The following ZNF445 variants were observed in gnomAD, a reference collection of about 807,000 sequenced individuals.
ZNF445 encodes the protein zinc finger protein 168.
A neutral mutation model predicts 93.9 loss-of-function variants in ZNF445; 19 were observed. The observed-to-expected ratio is 0.20, with a 90% confidence interval of 0.14 to 0.30. ZNF445 has a LOEUF of 0.30. ZNF445 is among the 10% of genes least tolerant of loss of function. The pLI is 1.00. For missense variants in ZNF445, 1,058 were observed against 1,259.4 expected (o/e 0.84, Z 2.42); for synonymous variants, 449 against 446.3 (o/e 1.01, Z -0.08).
chr3:44,438,598 A>G lies in ZNF445; in HGVS notation c.*7977T>C, dbSNP rs931358852. The stretch of plus-strand genomic sequence containing the variant: ...GGTGTGAGCCACCGTGCCTGGCCAA[A>G]AAAATAATTTTTTTAAAAGGACTCC... On this transcript the variant is annotated 3_prime_UTR_variant, in exon 8 of 8. Coordinates refer to ENST00000396077, the MANE Select transcript of ZNF445 (RefSeq NM_181489.6). 2.6e-5 allele frequency: 4 copies of G among 152,044 alleles called. No individual in the cohort carries two copies. Among genetic ancestry groups the G allele is most frequent in the African/African-American group, 9.7e-5 (4 of 41,400 alleles). 9.4% of individuals were successfully genotyped at this position (152,044 alleles called of 1,614,324 possible).
At position 44,458,360 on chromosome 3, in the gene ZNF445, T is replaced by A. The variant is rs1374117274; in HGVS notation, c.-264A>T. 1 of 150,944 alleles carries A rather than the reference T, an allele frequency of 6.6e-6. No homozygotes were observed. Among genetic ancestry groups the A allele is most frequent in the Non-Finnish European group, 1.5e-5 (1 of 67,916 alleles). 9.4% of individuals were successfully genotyped at this position (150,944 alleles called of 1,614,324 possible). ...CTCCAGCCTTGCGAAAGAGCGAGAC[T>A]CCACCTCAAAAAAAAGAACATAGGA... On this transcript the variant is annotated 5_prime_UTR_variant, in exon 2 of 8. Coordinates refer to ENST00000396077, the MANE Select transcript of ZNF445 (RefSeq NM_181489.6).
Position 44,446,245 on chromosome 3 carries a change from T to C in ZNF445, c.*330A>G, listed in dbSNP as rs1272089142. The stretch of plus-strand genomic sequence containing the variant: ...ATAGCCCATGATGCCACAGATATTC[T>C]GTCCAACCACAAAGGGCAGTGGTCT... On this transcript the variant is annotated 3_prime_UTR_variant, in exon 8 of 8. Coordinates refer to ENST00000396077, the MANE Select transcript of ZNF445 (RefSeq NM_181489.6). The surrounding 1 kb of genome is among the most constrained non-coding windows in gnomAD (Gnocchi z 4.2). 1 of 304,822 alleles carries C rather than the reference T, an allele frequency of 3.3e-6. No individual in the cohort carries two copies. Among genetic ancestry groups the C allele is most frequent in the African/African-American group, 2.2e-5 (1 of 45,200 alleles). The allele number at this position is 304,822 out of a possible 1,614,324, so 18.9% of individuals were successfully genotyped here.
intron 2 of ZNF445, among the ~76,000 whole-genome samples, 186 bp from the exon 3 acceptor site, chr3:44,455,882 T>A (rs1462876765): frequency 6.6e-6 from 1 of 152,062 alleles, no homozygotes; most frequent in East Asian, 1.9e-4. Context: ...ATAAAACATA[T>A]ACTGAACTTA....
At position 44,441,856 on chromosome 3, in the gene ZNF445, C is replaced by T. The variant is rs1697816064; in HGVS notation, c.*4719G>A. 1 of 152,162 alleles carries T rather than the reference C, an allele frequency of 6.6e-6. No individual in the cohort carries two copies. The highest frequency in any genetic ancestry group is 6.5e-5 in the Admixed American group (1 of 15,278). 9.4% of individuals were successfully genotyped at this position (152,162 alleles called of 1,614,324 possible). A position where few individuals can be genotyped will look rare whatever the true frequency, so the allele number is the denominator to read the frequency against. ...GAATGGTGACTTGCACACATCGTTC[C>T]AATACATGATTTTATACTCATTTCA... On this transcript the variant is annotated 3_prime_UTR_variant, in exon 8 of 8. Coordinates refer to ENST00000396077, the MANE Select transcript of ZNF445 (RefSeq NM_181489.6).
At chr3:44,465,766 T>C (rs1698183940) in intron 1 of ZNF445, among the ~76,000 whole-genome samples, 1 of 152,058 alleles carries the variant, frequency 6.6e-6, no homozygotes, top group Non-Finnish European at 1.5e-5. Context: ...TACAAAAAAT[T>C]AGCCGGGTGC....
intron 3 of ZNF445, among the ~76,000 whole-genome samples, chr3:44,453,341 C>T (rs1697982387): frequency 6.6e-6 from 1 of 150,516 alleles, no homozygotes; most frequent in African/African-American, 2.5e-5. Context: ...GTTGCCCAGT[C>T]TAGACTGCAC....
At chr3:44,465,132 G>T (rs60190387) in intron 1 of ZNF445, among the ~76,000 whole-genome samples, 1 of 149,972 alleles carries the variant, frequency 6.7e-6, no homozygotes, top group Non-Finnish European at 1.5e-5. Context: ...AATTTGCTAA[G>T]AGCTAACATT....
At chr3:44,477,217 A>G (rs1698373879) in intron 1 of ZNF445, among the ~76,000 whole-genome samples, 1 of 152,232 alleles carries the variant, frequency 6.6e-6, no homozygotes, top group African/African-American at 2.4e-5. Context: ...AGAATTATGC[A>G]CAGATATTTT....
chr3:44,444,135 A>G lies in ZNF445; in HGVS notation c.*2440T>C, dbSNP rs533529629. ...ACTCCACCCTGGGCAACCCTGTCTC[A>G]AAAAATAAAAAAGACAGTAAAAATA... On this transcript the variant is annotated 3_prime_UTR_variant, in exon 8 of 8. Transcript: ENST00000396077. 1 of 152,306 alleles carries G rather than the reference A, an allele frequency of 6.6e-6. No individual in the cohort carries two copies. Among genetic ancestry groups the G allele is most frequent in the Non-Finnish European group, 1.5e-5 (1 of 68,044 alleles). The allele number at this position is 152,306 out of a possible 1,614,324, so 9.4% of individuals were successfully genotyped here.
Position 44,446,408 on chromosome 3 carries a change from G to T in ZNF445, c.*167C>A, listed in dbSNP as rs1188293918. ...ACTTCCCCAGCGTCACATCCTAGCA[G>T]GCAGGCTGGGGACTCCCCGAGCTTT... On this transcript the variant is annotated 3_prime_UTR_variant, in exon 8 of 8. Transcript: ENST00000396077. This position sits in a 1 kb window ranked among gnomAD's most constrained non-coding sequence, Gnocchi z 4.2. The T allele has an allele frequency of 3.2e-6, 3 of 942,054 alleles. No homozygotes were observed. The highest frequency in any genetic ancestry group is 2.6e-5 in the East Asian group (1 of 38,836). 58.4% of individuals were successfully genotyped at this position (942,054 alleles called of 1,614,324 possible).
intron 1 of ZNF445, among the ~76,000 whole-genome samples, chr3:44,473,264 G>A (rs1400521280): frequency 6.6e-5 from 10 of 152,040 alleles, no homozygotes; most frequent in Admixed American, 5.2e-4. Context: ...AGACCAGCCT[G>A]ACCAACATGG....
intron 1 of ZNF445, among the ~76,000 whole-genome samples, chr3:44,475,607 A>G (rs1362507741): frequency 6.6e-6 from 1 of 152,222 alleles, no homozygotes; most frequent in East Asian, 1.9e-4. Context: ...TTTGTCATAT[A>G]TTTATTGAGA....
intron 1 of ZNF445, among the ~76,000 whole-genome samples, chr3:44,476,696 C>CA (rs1209881537): frequency 6.6e-6 from 1 of 152,166 alleles, no homozygotes; most frequent in Non-Finnish European, 1.5e-5. Flanking sequence ...CTGTGCAAGT[C>CA]AGAGTGTGCT....
intron 1 of ZNF445, among the ~76,000 whole-genome samples, chr3:44,460,655 G>A (rs1698101097): frequency 6.6e-6 from 1 of 152,148 alleles, no homozygotes; most frequent in African/African-American, 2.4e-5. Context: ...CTGGCTCACT[G>A]GCTTCCCCCC....
At chr3:44,458,012 CAAA>C (rs549514697) in intron 2 of ZNF445, among the ~76,000 whole-genome samples, 4 of 94,040 alleles carry the variant, frequency 4.3e-5, no homozygotes, top group Non-Finnish European at 4.0e-5. Flanking sequence ...GACTCCGTCT[CAAA>C]AAAAAAAAAA....
At chr3:44,461,086 T>C (rs1056225387) in intron 1 of ZNF445, among the ~76,000 whole-genome samples, 11 of 152,100 alleles carry the variant, frequency 7.2e-5, no homozygotes, top group Non-Finnish European at 1.5e-5. Flanking sequence ...TACCACAGGG[T>C]GTCTGTCTGT....
intron 3 of ZNF445, among the ~76,000 whole-genome samples, chr3:44,452,461 C>T (rs906971544): frequency 6.6e-6 from 1 of 151,976 alleles, no homozygotes; most frequent in African/African-American, 2.4e-5. Flanking sequence ...AACCACAGAA[C>T]GATTCTGTGA....
chr3:44,441,090 T>G lies in ZNF445; in HGVS notation c.*5485A>C, dbSNP rs1575304665. 6.6e-6 allele frequency: 1 copy of G among 151,998 alleles called. No homozygotes were observed. The highest frequency in any genetic ancestry group is 2.4e-5 in the African/African-American group (1 of 41,380). The allele number at this position is 151,998 out of a possible 1,614,324, so 9.4% of individuals were successfully genotyped here. A position where few individuals can be genotyped will look rare whatever the true frequency, so the allele number is the denominator to read the frequency against. ...CACCATGCCCAGCTAATTTTTGTAT[T>G]TTTTAGTAGAGACAGGGTTTCACCA... On this transcript the variant is annotated 3_prime_UTR_variant, in exon 8 of 8. Coordinates refer to ENST00000396077, the MANE Select transcript of ZNF445 (RefSeq NM_181489.6).
chr3:44,446,862 T>G lies in ZNF445; in HGVS notation c.2809A>C (p.Thr937Pro). 2 of 1,614,174 alleles carry G rather than the reference T, an allele frequency of 1.2e-6. No individual in the cohort carries two copies. The highest frequency in any genetic ancestry group is 1.7e-6 in the Non-Finnish European group (2 of 1,180,036). Residue 937 changes from threonine (T) to proline (P), a missense_variant, in exon 8 of 8, where the codon ACA becomes CCA. This residue lies in a region of ZNF445 where 387 missense variants were observed against 475.7 expected (regional missense o/e 0.81). Coordinates refer to ENST00000396077, the MANE Select transcript of ZNF445 (RefSeq NM_181489.6). The surrounding 1 kb of genome is among the most constrained non-coding windows in gnomAD (Gnocchi z 4.2). ...SPPARSSSQD[T>P]KLRLQKLKPS... ...TTTAGCTTCTGTAATCTCAACTTTGTGTCCTGAGAGGAAGACCGTGCAGGC... is the reference window on the plus strand; with the variant it reads ...TTTAGCTTCTGTAATCTCAACTTTGGGTCCTGAGAGGAAGACCGTGCAGGC...
Sources: gnomAD v4.1 joint callset for allele counts (sites outside exome capture counted in the v4.1 genomes callset) on GRCh38, gnomAD v4.1.1 for gene constraint, gnomAD v4.1.1 regional missense constraint, Gnocchi (gnomAD v3.1) non-coding constraint, MANE v1.5 for transcripts, NCBI Gene and HGNC (gene_info 2026-07-23, HGNC 2026-07-21) for gene names.